DIDO1: variants seen among roughly 807,000 people sequenced by gnomAD.
DIDO1 encodes death-inducer obliterator 1.
In DIDO1, 16 loss-of-function variants were observed where a neutral mutation model predicts 99.4. The observed-to-expected ratio is 0.16, with a 90% confidence interval of 0.11 to 0.24. The LOEUF (loss-of-function observed/expected upper bound fraction) is 0.24, where lower values mean the gene tolerates loss of function less well. DIDO1 is among the 10% of genes least tolerant of loss of function. The pLI, the probability that DIDO1 is intolerant of heterozygous loss-of-function variation, is 1.00. For synonymous variants in DIDO1, 1,366 were observed against 1,239.1 expected (o/e 1.10, Z -2.15); for missense variants, 2,996 against 3,014.0 (o/e 0.99, Z 0.14).
intron 6 of DIDO1, chr20:62,905,413 A>G: frequency 6.7e-7 from 1 of 1,487,986 alleles, no homozygotes; most frequent in Non-Finnish European, 9.0e-7. Flanking sequence ...ACTAACTTGC[A>G]AAGATTCCCA....
chr20:62,924,458 G>A (rs2065215447), intron 1 of DIDO1, among the ~76,000 whole-genome samples: 1 of 152,182 alleles, frequency 6.6e-6, no homozygotes, highest in Non-Finnish European at 1.5e-5. Context: ...CAATGAAGAC[G>A]TGGCACAGCT....
chr20:62,910,757 G>A lies in DIDO1; in HGVS notation c.839+17C>T, dbSNP rs779983399. 1.9e-5 allele frequency: 30 copies of A among 1,597,284 alleles called. No homozygotes were observed. The South Asian group carries it at 3.3e-4, about 18-fold the overall frequency. ...TTGCAACCCTGGGATTTCTGTGGGT[G>A]CCCACACATGACCCACCTGTTGTTG... On this transcript the variant is annotated intron_variant, in intron 3 of 15. Coordinates refer to ENST00000395343, the MANE Select transcript of DIDO1 (RefSeq NM_001193369.2).
At chr20:62,926,525 GC>G (rs200203538), upstream of DIDO1, 3,743 of 151,938 alleles carry the variant, frequency 0.025, 50 homozygotes, top group Non-Finnish European at 0.03. Context: ...CTAGAGCGGC[GC>G]CCCCGCGCGG....
At chr20:62,936,084 A>C (rs1305713157) in intron 1 of DIDO1, among the ~76,000 whole-genome samples, 1 of 152,200 alleles carries the variant, frequency 6.6e-6, no homozygotes, top group Non-Finnish European at 1.5e-5. Flanking sequence ...CTAGCACTCA[A>C]GCTTTCTGCT....
At chr20:62,886,557 G>A (rs1600915756) in intron 15 of DIDO1, among the ~76,000 whole-genome samples, 1 of 152,172 alleles carries the variant, frequency 6.6e-6, no homozygotes, top group Non-Finnish European at 1.5e-5. Context: ...CAAGGCAGCT[G>A]GCAAAGGGAA....
chr20:62,921,896 T>C (rs1184769292), intron 1 of DIDO1, among the ~76,000 whole-genome samples: 2 of 149,926 alleles, frequency 1.3e-5, no homozygotes, highest in East Asian at 1.9e-4. Context: ...ACACACTATA[T>C]ATATATCCAC....
At chr20:62,888,038 C>T (rs758382646) in intron 15 of DIDO1, 60 of 985,376 alleles carry the variant, frequency 6.1e-5, no homozygotes, top group South Asian at 1.9e-4. Flanking sequence ...GAGGGTGCTG[C>T]GGGGGCAGCT....
At chr20:62,909,083 C>CAG (rs1469505547) in intron 4 of DIDO1, among the ~76,000 whole-genome samples, 1 of 152,192 alleles carries the variant, frequency 6.6e-6, no homozygotes, top group Non-Finnish European at 1.5e-5. Context: ...AGTGTGAAGG[C>CAG]AGAGATGCTT....
At chr20:62,906,758 C>T (rs6011466) in intron 5 of DIDO1, among the ~76,000 whole-genome samples, 34,870 of 151,902 alleles carry the variant, frequency 0.23, 4,276 homozygotes, top group East Asian at 0.34. Flanking sequence ...CATGAGACAA[C>T]TCTGAGAGCC....
At chr20:62,924,005 T>A (rs1222681473) in intron 1 of DIDO1, among the ~76,000 whole-genome samples, 3 of 152,256 alleles carry the variant, frequency 2.0e-5, no homozygotes, top group Non-Finnish European at 1.5e-5. Context: ...AAATGAGGCC[T>A]AGACAACACA....
At chr20:62,914,624 G>A (rs968851055) in intron 1 of DIDO1, among the ~76,000 whole-genome samples, 33 of 152,116 alleles carry the variant, frequency 2.2e-4, no homozygotes, top group African/African-American at 7.5e-4. Flanking sequence ...GAAAGGGGCC[G>A]GGGCAGCGCA....
In DIDO1 at chr20:62,880,661, C is replaced by T. The variant is rs777571894; in HGVS notation, c.5295G>A (p.Gly1765=). 2.5e-6 allele frequency: 4 copies of T among 1,612,812 alleles called. No homozygotes were observed. The highest frequency in any genetic ancestry group is 3.3e-4 in the Middle Eastern group (2 of 6,062). ...EPGPHALGMS[G]LHGPNFPGPR... ...GTCCCGGGAAATTGGGGCCGTGAAG[C>T]CCTGACATCCCCAAAGCATGAGGTC... Residue 1765 remains glycine (G), a synonymous_variant, in exon 16 of 16, where the codon GGG becomes GGA. Coordinates refer to ENST00000395343, the MANE Select transcript of DIDO1 (RefSeq NM_001193369.2).
At chr20:62,905,003 G>A in intron 6 of DIDO1, 1 of 988,592 alleles carries the variant, frequency 1.0e-6, no homozygotes, top group Non-Finnish European at 1.2e-6. Flanking sequence ...AGGCATTAAA[G>A]ACTGAATTGA....
upstream of DIDO1, among the ~76,000 whole-genome samples, chr20:62,929,692 A>AATATATATATATATATATATAT: frequency 4.7e-5 from 3 of 63,734 alleles, no homozygotes; most frequent in South Asian, 1.7e-3. Context: ...AAAAAGAAAA[A>AATATATATATATATATATATAT]GTGTATATAT....
chr20:62,923,840 C>T (rs758372492), intron 1 of DIDO1, among the ~76,000 whole-genome samples: 39 of 152,126 alleles, frequency 2.6e-4, no homozygotes, highest in Admixed American at 6.5e-4. Context: ...AAATTTGATA[C>T]CCAAGGAGAG....
Position 62,895,034 on chromosome 20 carries a change from C to T in DIDO1, c.2331+15G>A, listed in dbSNP as rs2064487772. On this transcript the variant is annotated intron_variant, in intron 9 of 15. Transcript: ENST00000395343. ...CGAGTCCTGGGTGCCTCCGCAGGTA[C>T]CCCTCAGCACTCACAGATCTCGCTG... The T allele has an allele frequency of 6.3e-7, 1 of 1,599,764 alleles. No homozygotes were observed.
At position 62,880,931 on chromosome 20, in the gene DIDO1, C is replaced by A. The variant is rs2064190798; in HGVS notation, c.5025G>T (p.Gln1675His). The A allele has an allele frequency of 6.2e-7, 1 of 1,609,370 alleles. No homozygotes were observed. The highest frequency in any genetic ancestry group is 8.5e-7 in the Non-Finnish European group (1 of 1,179,826). Residue 1675 changes from glutamine to histidine, a missense_variant, in exon 16 of 16, where the codon CAG becomes CAT. Gln to His is a conservative substitution (Grantham distance 24). Transcript: ENST00000395343. ...CGALQPGFPL[Q>H]HDGERDPFTC... ...TGAAAGGGTCCCTCTCACCGTCGTG[C>A]TGCAGCGGGAAGCCGGGCTGCAGGG...
At chr20:62,936,629 T>G (rs1277913144) in intron 1 of DIDO1, among the ~76,000 whole-genome samples, 2 of 151,252 alleles carry the variant, frequency 1.3e-5, no homozygotes, top group Admixed American at 1.3e-4. Flanking sequence ...ACTTTGGGAG[T>G]CCGAGGCGGG....
chr20:62,892,869 A>G lies in DIDO1; in HGVS notation c.3195T>C (p.Ser1065=), dbSNP rs201730006. ...ACGCCTTAGTGACAAATTTTGCCACACTCTGCATGTTAATAAATCCTTTCC... is the reference window on the plus strand; with the variant it reads ...ACGCCTTAGTGACAAATTTTGCCACGCTCTGCATGTTAATAAATCCTTTCC... ...TIWKGFINMQ[S]VAKFVTKAYP... Residue 1065 remains serine, a synonymous_variant, in exon 13 of 16, where the codon AGT becomes AGC. Coordinates refer to ENST00000395343, the MANE Select transcript of DIDO1 (RefSeq NM_001193369.2). 1 of 1,614,090 alleles carries G rather than the reference A, an allele frequency of 6.2e-7. No individual in the cohort carries two copies. The highest frequency in any genetic ancestry group is 8.5e-7 in the Non-Finnish European group (1 of 1,180,010).
Sources: allele counts gnomAD v4.1 joint callset (sites outside exome capture counted in the v4.1 genomes callset), GRCh38; gene constraint gnomAD v4.1.1; transcripts MANE v1.5; gene names NCBI Gene and HGNC (gene_info 2026-07-23, HGNC 2026-07-21).